Variants in IMMP2L observed in about 807,000 individuals in gnomAD.
The protein encoded by IMMP2L is mitochondrial inner membrane protease subunit 2.
A neutral mutation model predicts 19.3 loss-of-function variants in IMMP2L; 18 were observed. That is an observed-to-expected ratio of 0.93 (90% CI 0.64 to 1.38). IMMP2L has a LOEUF of 1.38. Ranked by LOEUF, IMMP2L falls within the 40% of genes most tolerant of loss-of-function variation. IMMP2L has a pLI of 0.00. For missense variants in IMMP2L, 233 were observed against 218.2 expected (o/e 1.07, Z -0.43); for synonymous variants, 76 against 73.0 (o/e 1.04, Z -0.21).
intron 4 of IMMP2L, among the ~76,000 whole-genome samples, chr7:110,907,136 A>G (rs909700053): frequency 1.3e-5 from 2 of 152,108 alleles, no homozygotes; most frequent in Non-Finnish European, 2.9e-5. Context: ...TAGTTTTGCC[A>G]TTTGTGGATG....
intron 5 of IMMP2L, among the ~76,000 whole-genome samples, chr7:110,783,897 C>A (rs954237498): frequency 2.0e-5 from 3 of 151,880 alleles, no homozygotes; most frequent in Non-Finnish European, 4.4e-5. Context: ...CATTCCTAAA[C>A]CCCATGGAGC....
chr7:110,792,777 T>A lies in IMMP2L; in HGVS notation c.408+93816A>T, dbSNP rs983675736. On this transcript the variant is annotated intron_variant, in intron 5 of 5. Transcript: ENST00000405709. Reference sequence around the variant, plus strand: ...ATTGACACACATACAATGAATGACATGTATCCACCATTATAGTATCATACA... The same window carrying A: ...ATTGACACACATACAATGAATGACAAGTATCCACCATTATAGTATCATACA... Among the ~76,000 whole-genome samples the A allele has an allele frequency of 3.3e-5, 5 of 152,234 alleles. No individual in the cohort carries two copies. In the East Asian group the frequency reaches 9.7e-4, roughly 30 times the overall value.
At chr7:111,312,001 G>A (rs192626923) in intron 3 of IMMP2L, among the ~76,000 whole-genome samples, 1 of 152,144 alleles carries the variant, frequency 6.6e-6, no homozygotes, top group African/African-American at 2.4e-5. Flanking sequence ...TTTCTTCAAG[G>A]ACACTGATGT....
At chr7:110,908,686 GC>G (rs1320315860) in intron 4 of IMMP2L, among the ~76,000 whole-genome samples, 1 of 152,204 alleles carries the variant, frequency 6.6e-6, no homozygotes, top group Non-Finnish European at 1.5e-5. Context: ...ATGCTTAGAA[GC>G]CCTTTCAGAT....
intron 3 of IMMP2L, among the ~76,000 whole-genome samples, chr7:111,233,146 T>G (rs1016506681): frequency 6.6e-6 from 1 of 152,190 alleles, no homozygotes; most frequent in South Asian, 2.1e-4. Flanking sequence ...CTTTATCCAA[T>G]GAACGTAGAT....
At chr7:111,151,677 G>A (rs531612489) in intron 3 of IMMP2L, among the ~76,000 whole-genome samples, 3 of 152,236 alleles carry the variant, frequency 2.0e-5, no homozygotes, top group East Asian at 3.9e-4. Flanking sequence ...GGTGGCTCAC[G>A]CCTCTAACAC....
intron 3 of IMMP2L, among the ~76,000 whole-genome samples, chr7:111,034,310 T>A (rs1791123608): frequency 1.3e-5 from 2 of 152,104 alleles, no homozygotes; most frequent in Non-Finnish European, 2.9e-5. Context: ...GACAGACATG[T>A]ACACAATCAG....
In IMMP2L at chr7:111,223,532, T is replaced by C. The variant is rs554035373; in HGVS notation, c.240-259967A>G. On this transcript the variant is annotated intron_variant, in intron 3 of 5. Transcript: ENST00000405709. ...TTATAATATGCAACCATCTTTGCTA[T>C]TGTAAACTCTTCAAAACCCTTTTTC... is the stretch of plus-strand genomic sequence containing the variant. 2.0e-5 allele frequency among the ~76,000 whole-genome samples: 3 copies of C among 152,280 alleles called. No homozygotes were observed. In the South Asian group the frequency reaches 6.2e-4, roughly 32 times the overall value.
chr7:110,954,944 T>C (rs1373009942), intron 4 of IMMP2L, among the ~76,000 whole-genome samples: 1 of 152,048 alleles, frequency 6.6e-6, no homozygotes, highest in African/African-American at 2.4e-5. Context: ...TCTACAGCTG[T>C]CACACATGAA....
intron 1 of IMMP2L, among the ~76,000 whole-genome samples, chr7:111,551,744 G>A (rs184157213): frequency 9.9e-5 from 15 of 152,148 alleles, no homozygotes; most frequent in Admixed American, 1.3e-4. Flanking sequence ...TTTCAGGGAA[G>A]CACAAAGGCT....
chr7:110,790,977 C>A (rs1475439913), intron 5 of IMMP2L, among the ~76,000 whole-genome samples: 1 of 151,606 alleles, frequency 6.6e-6, no homozygotes. Flanking sequence ...ACTGGGCACC[C>A]TGAAAACTGA....
intron 5 of IMMP2L, among the ~76,000 whole-genome samples, chr7:110,753,021 G>C (rs2130927682): frequency 6.6e-6 from 1 of 152,204 alleles, no homozygotes. Context: ...TTTCCATGAA[G>C]TTGCTTTAAC....
chr7:111,085,547 T>C (rs1455417329), intron 3 of IMMP2L, among the ~76,000 whole-genome samples: 1 of 152,224 alleles, frequency 6.6e-6, no homozygotes. Flanking sequence ...TGGTACCACA[T>C]TGTGGTTTCT....
intron 3 of IMMP2L, among the ~76,000 whole-genome samples, chr7:111,076,698 T>C (rs1795444922): frequency 6.6e-6 from 1 of 152,158 alleles, no homozygotes; most frequent in Non-Finnish European, 1.5e-5. Context: ...CAATTTGCTG[T>C]GGCACAGTAT....
intron 5 of IMMP2L, among the ~76,000 whole-genome samples, chr7:110,730,171 G>A (rs370235010): frequency 4.6e-5 from 7 of 152,074 alleles, no homozygotes; most frequent in African/African-American, 9.7e-5. Context: ...TCCTGGGTGC[G>A]TCTATGAGGG....
intron 3 of IMMP2L, among the ~76,000 whole-genome samples, chr7:111,395,206 G>A (rs1156527160): frequency 6.6e-6 from 1 of 152,166 alleles, no homozygotes; most frequent in African/African-American, 2.4e-5. Flanking sequence ...GACAGAGCAG[G>A]TGTGGCCAAT....
chr7:111,153,581 G>C (rs886389180), intron 3 of IMMP2L, among the ~76,000 whole-genome samples: 5 of 151,964 alleles, frequency 3.3e-5, no homozygotes, highest in African/African-American at 1.2e-4. Flanking sequence ...AAACTATGAG[G>C]CCATGCTATT....
At chr7:110,743,867 T>C (rs1797151684) in intron 5 of IMMP2L, among the ~76,000 whole-genome samples, 1 of 152,022 alleles carries the variant, frequency 6.6e-6, no homozygotes, top group African/African-American at 2.4e-5. Flanking sequence ...AGGAGTTTTT[T>C]TTTTTCATGT....
At chr7:111,292,296 C>T (rs1183535792) in intron 3 of IMMP2L, among the ~76,000 whole-genome samples, 2 of 152,056 alleles carry the variant, frequency 1.3e-5, no homozygotes, top group Admixed American at 1.3e-4. Context: ...CCTCTGGATT[C>T]TCTCCAAATT....
Sources: allele counts gnomAD v4.1 joint callset (sites outside exome capture counted in the v4.1 genomes callset), GRCh38; gene constraint gnomAD v4.1.1; transcripts MANE v1.5; gene names NCBI Gene and HGNC (gene_info 2026-07-23, HGNC 2026-07-21).